The following PWWP2B variants were observed in gnomAD, a reference collection of about 807,000 sequenced individuals.
PWWP2B encodes PWWP domain-containing protein 2B.
In PWWP2B, 9 loss-of-function variants were observed where a neutral mutation model predicts 15.5. The observed-to-expected ratio is 0.58, with a 90% CI of 0.35 to 1.02. PWWP2B has a LOEUF of 1.02. PWWP2B is among the 50% of genes least tolerant of loss of function. PWWP2B has a pLI of 0.02. For synonymous variants in PWWP2B, 474 were observed against 403.6 expected (o/e 1.17, Z -2.09); for missense variants, 864 against 865.3 (o/e 1.00, Z 0.02).
chr10:132,407,271 T>G (rs2069713161), intron 2 of PWWP2B, among the ~76,000 whole-genome samples: 1 of 152,080 alleles, frequency 6.6e-6, no homozygotes, highest in Non-Finnish European at 1.5e-5. Flanking sequence ...CCTTTCTGGG[T>G]GGGGGCAGCT....
At chr10:132,402,761 T>G (rs1040362026) in intron 1 of PWWP2B, among the ~76,000 whole-genome samples, 31 of 152,244 alleles carry the variant, frequency 2.0e-4, no homozygotes, top group African/African-American at 7.5e-4. Flanking sequence ...TTCCACAGCT[T>G]AACTCTGGCA....
chr10:132,404,835 G>C lies in PWWP2B; in HGVS notation c.335G>C (p.Gly112Ala), dbSNP rs1198026013. The C allele has an allele frequency of 8.5e-6, 13 of 1,537,942 alleles. No individual in the cohort carries two copies. Among genetic ancestry groups the C allele is most frequent in the African/African-American group, 2.7e-5 (2 of 72,808 alleles). ...CCCCTCGTGCCGCCGCTGCCCGCCGGAAGCCTGCCCCCGTACCCTCCCTAC... is the reference window on the plus strand; with the variant it reads ...CCCCTCGTGCCGCCGCTGCCCGCCGCAAGCCTGCCCCCGTACCCTCCCTAC... Reference protein sequence around the residue: ...PPPLVPPLPAGSLPPYPPYFE... With the variant: ...PPPLVPPLPAASLPPYPPYFE... The change falls in exon 2 of 3, where the codon GGA becomes GCA. Residue 112 changes from glycine to alanine, a missense_variant. Around this residue, in one of 2 missense-constraint regions of PWWP2B, gnomAD observed 736 missense variants for 687.7 expected, o/e 1.07. Coordinates refer to ENST00000305233, the MANE Select transcript of PWWP2B (RefSeq NM_138499.4).
intron 1 of PWWP2B, 69 bp from the exon 2 acceptor site, chr10:132,404,557 G>C: frequency 2.2e-6 from 3 of 1,387,368 alleles, no homozygotes; most frequent in Non-Finnish European, 3.1e-6. Flanking sequence ...CCTTGGCTCT[G>C]GGGGCTGGTG....
At position 132,403,249 on chromosome 10, in the gene PWWP2B, C is replaced by T. The variant is rs141306091; in HGVS notation, c.126-1377C>T. 1.5e-3 allele frequency among the ~76,000 whole-genome samples: 225 copies of T among 152,302 alleles called. 1 individual carries two copies. Among genetic ancestry groups the T allele is most frequent in the Non-Finnish European group, 2.8e-3 (191 of 68,024 alleles). ...CAGAACCCCCCGCCCCGTGTTCATC[C>T]CCTCACAGGCCCCAAGGCCACTGCT... On this transcript the variant is annotated intron_variant, in intron 1 of 2. Coordinates refer to ENST00000305233, the MANE Select transcript of PWWP2B (RefSeq NM_138499.4).
chr10:132,415,482 AAC>A (rs2069836630), intron 2 of PWWP2B, among the ~76,000 whole-genome samples: 1 of 106,646 alleles, frequency 9.4e-6, no homozygotes, highest in Admixed American at 9.0e-5. Context: ...CATTCACTCA[AAC>A]ACACCCACTC....
Position 132,405,081 on chromosome 10 carries a change from C to T in PWWP2B, c.581C>T (p.Pro194Leu), listed in dbSNP as rs576756232. The T allele has an allele frequency of 3.3e-6, 5 of 1,528,974 alleles. No homozygotes were observed. The highest frequency in any genetic ancestry group is 4.1e-5 in the Admixed American group (2 of 48,898). The allele number at this position is 1,528,974 out of a possible 1,614,324, so 94.7% of individuals were successfully genotyped here. The change falls in exon 2 of 3, where the codon CCC becomes CTC. Residue 194 changes from proline to leucine, a missense_variant. Around this residue, in one of 2 missense-constraint regions of PWWP2B, gnomAD observed 736 missense variants for 687.7 expected, o/e 1.07. Coordinates refer to ENST00000305233, the MANE Select transcript of PWWP2B (RefSeq NM_138499.4). Reference sequence around the variant, plus strand: ...AGCCCCCCGGAGGCCAGCCCCGGACCCCCAGCCGCGCCCAGGGCCCGCAGG... The same window carrying T: ...AGCCCCCCGGAGGCCAGCCCCGGACTCCCAGCCGCGCCCAGGGCCCGCAGG... Reference protein sequence around the residue: ...TLSPPEASPGPPAAPRARRRL... With the variant: ...TLSPPEASPGLPAAPRARRRL...
rs372803208 is a variant in PWWP2B, at chr10:132,405,415, G to A, written c.915G>A (p.Pro305=). ...TGGACAGAGAGTCCCGGGACCGGCC[G>A]TCCTGCGCGCCCTCGGCCTCCATCC... ...EVLDRESRDR[P]SCAPSASIPK... The change falls in exon 2 of 3, where the codon CCG becomes CCA. Residue 305 remains proline (P), a synonymous_variant. Transcript: ENST00000305233. The A allele has an allele frequency of 2.2e-5, 36 of 1,610,682 alleles. No homozygotes were observed. Among genetic ancestry groups the A allele is most frequent in the Admixed American group, 1.7e-4 (10 of 59,914 alleles).
At chr10:132,397,470 C>A in intron 1 of PWWP2B, 119 bp downstream of exon 1, 1 of 943,300 alleles carries the variant, frequency 1.1e-6, no homozygotes, top group Non-Finnish European at 1.3e-6. Flanking sequence ...CGCCCGCTTT[C>A]GGTTTCTGCC....
At chr10:132,414,881 G>A (rs1048194252) in intron 2 of PWWP2B, among the ~76,000 whole-genome samples, 3 of 152,178 alleles carry the variant, frequency 2.0e-5, no homozygotes, top group African/African-American at 4.8e-5. Flanking sequence ...TGGTACCCCC[G>A]GCAGGTCTCA....
Position 132,406,231 on chromosome 10 carries a change from G to C in PWWP2B, c.1731G>C (p.Val577=), listed in dbSNP as rs778437611. 1.9e-6 allele frequency: 3 copies of C among 1,611,542 alleles called. No homozygotes were observed. The South Asian group carries it at 3.3e-5, about 18-fold the overall frequency. ...AGGCTGCAAATGCCGCAAGACACGT[G>C]GCCCCGGAAATCAGGGAGCTCTTAA... is the stretch of plus-strand genomic sequence containing the variant. ...ITEAANAARH[V]APEIRELLTQ... The change falls in exon 2 of 3, where the codon GTG becomes GTC. Residue 577 remains valine, a synonymous_variant. Transcript: ENST00000305233.
At chr10:132,407,943 C>T (rs192283795) in intron 2 of PWWP2B, among the ~76,000 whole-genome samples, 1 of 152,252 alleles carries the variant, frequency 6.6e-6, no homozygotes, top group Non-Finnish European at 1.5e-5. Flanking sequence ...GACATCCCCC[C>T]ACGCAGGACG....
chr10:132,410,555 C>T (rs966774413), intron 2 of PWWP2B, among the ~76,000 whole-genome samples: 7 of 152,186 alleles, frequency 4.6e-5, no homozygotes, highest in African/African-American at 1.2e-4. Context: ...CACCTCAGCA[C>T]CACTGCAGGG....
chr10:132,402,061 G>T (rs1166416466), intron 1 of PWWP2B, among the ~76,000 whole-genome samples: 1 of 152,180 alleles, frequency 6.6e-6, no homozygotes, highest in African/African-American at 2.4e-5. Context: ...GGGCTGGCTT[G>T]TCCAGTCCCT....
At chr10:132,401,740 C>T (rs11591335) in intron 1 of PWWP2B, among the ~76,000 whole-genome samples, 2,047 of 152,378 alleles carry the variant, frequency 0.013, 18 homozygotes, top group Non-Finnish European at 0.022. Context: ...CCTGGAGGCA[C>T]GTTCCCTGGT....
intron 1 of PWWP2B, among the ~76,000 whole-genome samples, chr10:132,400,783 T>C (rs539174248): frequency 6.6e-6 from 1 of 152,258 alleles, no homozygotes; most frequent in Non-Finnish European, 1.5e-5. Flanking sequence ...TGCCTGTTCC[T>C]GTTCCAGGAG....
At chr10:132,400,854 G>A (rs553794040) in intron 1 of PWWP2B, among the ~76,000 whole-genome samples, 8 of 152,380 alleles carry the variant, frequency 5.3e-5, no homozygotes, top group Admixed American at 3.9e-4. Context: ...AGAGAGTGAG[G>A]AAGGAAGGTC....
At chr10:132,398,176 A>T (rs2069563520) in intron 1 of PWWP2B, among the ~76,000 whole-genome samples, 1 of 152,242 alleles carries the variant, frequency 6.6e-6, no homozygotes, top group Non-Finnish European at 1.5e-5. Flanking sequence ...CCTCTTGTAA[A>T]GGCCCAACTT....
chr10:132,407,797 G>A (rs1336818129), intron 2 of PWWP2B, among the ~76,000 whole-genome samples: 2 of 152,208 alleles, frequency 1.3e-5, no homozygotes, highest in Admixed American at 6.5e-5. Context: ...TGTGGGTGCC[G>A]TCTCTCAGCT....
At chr10:132,411,991 CAG>C (rs576734790) in intron 2 of PWWP2B, among the ~76,000 whole-genome samples, 141 of 152,380 alleles carry the variant, frequency 9.3e-4, no homozygotes, top group African/African-American at 3.2e-3. Flanking sequence ...CAGAAGGAAA[CAG>C]AGGCCTGTAA....
Sources: allele counts gnomAD v4.1 joint callset (sites outside exome capture counted in the v4.1 genomes callset), GRCh38; gene constraint gnomAD v4.1.1; regional missense constraint gnomAD v4.1.1; transcripts MANE v1.5; gene names NCBI Gene and HGNC (gene_info 2026-07-23, HGNC 2026-07-21).